Variants in RAB6A observed in about 807,000 individuals in gnomAD.
RAB6A encodes ras-related protein Rab-6A.
RAB6A carries 8 observed loss-of-function variants against 32.3 expected under a neutral mutation model. The observed-to-expected ratio is 0.25, with a 90% CI of 0.15 to 0.45. The LOEUF is 0.45. Among genes scored for constraint, RAB6A ranks in the 20% least tolerant of loss-of-function variants. The pLI, the probability that RAB6A is intolerant of heterozygous loss-of-function variation, is 1.00. For synonymous variants in RAB6A, 73 were observed against 82.1 expected (o/e 0.89, Z 0.60); for missense variants, 104 against 249.4 (o/e 0.42, Z 3.93).
intron 1 of RAB6A, among the ~76,000 whole-genome samples, chr11:73,746,501 CTG>C (rs1386717531): frequency 6.6e-6 from 1 of 151,984 alleles, no homozygotes; most frequent in African/African-American, 2.4e-5. Flanking sequence ...GAGTGAGACT[CTG>C]TCTCTTAAAA....
chr11:73,733,481 G>A (rs2134978016), intron 1 of RAB6A, among the ~76,000 whole-genome samples: 1 of 151,920 alleles, frequency 6.6e-6, no homozygotes. Context: ...CCCAGGAGGT[G>A]GAGGTTACAG....
At chr11:73,736,181 C>T (rs1255850986) in intron 1 of RAB6A, among the ~76,000 whole-genome samples, 1 of 152,004 alleles carries the variant, frequency 6.6e-6, no homozygotes, top group Non-Finnish European at 1.5e-5. Context: ...GTAATCTCAG[C>T]ACTTTGAGAG....
chr11:73,713,565 C>CAA (rs61588604), intron 5 of RAB6A, among the ~76,000 whole-genome samples: 28 of 124,810 alleles, frequency 2.2e-4, no homozygotes, highest in African/African-American at 8.0e-4. Context: ...GACTCCGTCT[C>CAA]AAAAAAAAAA....
chr11:73,739,263 T>TTTAAAAAA (rs1555066890), intron 1 of RAB6A, among the ~76,000 whole-genome samples: 1 of 9,378 alleles, frequency 1.1e-4, no homozygotes, highest in Non-Finnish European at 1.9e-4. Context: ...TAATAATAAT[T>TTTAAAAAA]AAAAAAAAAA....
At chr11:73,695,376 TTTG>T (rs1400544690) in intron 6 of RAB6A, among the ~76,000 whole-genome samples, 13 of 91,538 alleles carry the variant, frequency 1.4e-4, no homozygotes, top group Admixed American at 1.4e-4. Flanking sequence ...ATCCAGTTTT[TTTG>T]TTTTTTTTTT....
At chr11:73,731,823 C>A (rs1453906338) in intron 1 of RAB6A, among the ~76,000 whole-genome samples, 1 of 146,916 alleles carries the variant, frequency 6.8e-6, no homozygotes, top group Non-Finnish European at 1.5e-5. Context: ...CTCACTGCAA[C>A]CTCCGCCTCC....
At chr11:73,722,056 G>GTGTGTGTGTATATATAT (rs1555061901) in intron 2 of RAB6A, among the ~76,000 whole-genome samples, 8 of 151,028 alleles carry the variant, frequency 5.3e-5, no homozygotes, top group Non-Finnish European at 1.2e-4. Context: ...CTTCTGCCAT[G>GTGTGTGTGTATATATAT]ATTGTAAGTT....
chr11:73,726,453 G>A (rs1946222309), intron 2 of RAB6A, among the ~76,000 whole-genome samples: 1 of 151,572 alleles, frequency 6.6e-6, no homozygotes, highest in Admixed American at 6.6e-5. Context: ...GTGGTGGCAG[G>A]TGCCTGCAGT....
intron 2 of RAB6A, chr11:73,722,387 G>T (rs1946156599): frequency 8.8e-6 from 1 of 113,436 alleles, no homozygotes; most frequent in Non-Finnish European, 1.7e-5. Context: ...TCACACTCTT[G>T]CCCAAGCTGG....
chr11:73,679,095 C>T (rs1365876424), intron 7 of RAB6A, among the ~76,000 whole-genome samples: 1 of 152,022 alleles, frequency 6.6e-6, no homozygotes, highest in Non-Finnish European at 1.5e-5. Flanking sequence ...GTGCTACAAA[C>T]TATATGGCTT....
intron 7 of RAB6A, among the ~76,000 whole-genome samples, chr11:73,678,639 G>A (rs565547000): frequency 3.3e-5 from 5 of 151,618 alleles, no homozygotes; most frequent in African/African-American, 9.7e-5. Context: ...CGGTGGGCGC[G>A]GGGACATACT....
intron 6 of RAB6A, among the ~76,000 whole-genome samples, chr11:73,684,093 C>T (rs879862243): frequency 9.9e-5 from 15 of 151,962 alleles, no homozygotes; most frequent in Non-Finnish European, 2.1e-4. Flanking sequence ...TTATGATTTG[C>T]AGAAGGCTAC....
intron 5 of RAB6A, among the ~76,000 whole-genome samples, chr11:73,709,080 C>T (rs1190660205): frequency 3.9e-5 from 6 of 152,112 alleles, no homozygotes; most frequent in Admixed American, 1.3e-4. Context: ...ATCTGCAGAC[C>T]TTTAGCCCTA....
At chr11:73,736,625 G>A (rs557667033) in intron 1 of RAB6A, among the ~76,000 whole-genome samples, 2 of 151,056 alleles carry the variant, frequency 1.3e-5, no homozygotes, top group East Asian at 3.9e-4. Context: ...AATTCTGTCT[G>A]TACTAAAAAT....
intron 6 of RAB6A, among the ~76,000 whole-genome samples, chr11:73,680,664 G>A (rs139508703): frequency 6.6e-6 from 1 of 152,042 alleles, no homozygotes; most frequent in Non-Finnish European, 1.5e-5. Context: ...CGGGGGTGTG[G>A]GGGGGAGAGT....
chr11:73,750,260 A>G (rs1946653322), intron 1 of RAB6A, among the ~76,000 whole-genome samples: 1 of 152,058 alleles, frequency 6.6e-6, no homozygotes, highest in Non-Finnish European at 1.5e-5. Flanking sequence ...AAATCATAAA[A>G]TATTTGTCCT....
intron 6 of RAB6A, among the ~76,000 whole-genome samples, chr11:73,707,125 GAAAAAAA>G (rs397744539): frequency 8.6e-5 from 10 of 116,284 alleles, no homozygotes; most frequent in African/African-American, 2.8e-4. Context: ...TCTCAAAAAA[GAAAAAAA>G]AAAAAAAAAA....
chr11:73,745,914 C>T (rs1162765569), intron 1 of RAB6A, among the ~76,000 whole-genome samples: 2 of 151,746 alleles, frequency 1.3e-5, no homozygotes, highest in African/African-American at 2.4e-5. Context: ...GCACAAGAAT[C>T]GCTTAAACCC....
chr11:73,678,345 C>T (rs955285970), intron 7 of RAB6A, among the ~76,000 whole-genome samples: 25 of 152,142 alleles, frequency 1.6e-4, no homozygotes, highest in African/African-American at 5.3e-4. Context: ...GGCCGGGTGC[C>T]GTGGCTCATG....
Sources: gnomAD v4.1 joint callset for allele counts (sites outside exome capture counted in the v4.1 genomes callset) on GRCh38, gnomAD v4.1.1 for gene constraint, MANE v1.5 for transcripts, NCBI Gene and HGNC (gene_info 2026-07-23, HGNC 2026-07-21) for gene names.